Variants in PAPPA observed in about 807,000 individuals in gnomAD.
PAPPA encodes pappalysin-1.
A neutral mutation model predicts 164.0 loss-of-function variants in PAPPA; 60 were observed. The observed-to-expected ratio is 0.37, with a 90% CI of 0.30 to 0.45. PAPPA has a LOEUF of 0.45. Among genes scored for constraint, PAPPA ranks in the 20% least tolerant of loss-of-function variants. The probability of loss-of-function intolerance (pLI) is 1.00; values close to 1 mark genes in which losing one functional copy is unlikely to be tolerated. For synonymous variants in PAPPA, 875 were observed against 814.1 expected, an observed-to-expected ratio of 1.07 and a Z score of -1.27; for missense variants, 1,782 against 2,087.3, an observed-to-expected ratio of 0.85 and a Z score of 2.85.
chr9:116,207,015 T>C (rs1277356015), intron 2 of PAPPA, among the ~76,000 whole-genome samples: 1 of 152,146 alleles, frequency 6.6e-6, no homozygotes, highest in East Asian at 1.9e-4. Context: ...ACTTTGTCTT[T>C]CATACATGGG....
At chr9:116,190,412 T>A (rs897884408) in intron 2 of PAPPA, among the ~76,000 whole-genome samples, 2 of 152,234 alleles carry the variant, frequency 1.3e-5, no homozygotes, top group Admixed American at 6.5e-5. Flanking sequence ...CCCTTAGCCC[T>A]GTTTTGCTTT....
intron 9 of PAPPA, among the ~76,000 whole-genome samples, chr9:116,298,462 G>A (rs1307844513): frequency 1.3e-5 from 2 of 152,236 alleles, no homozygotes; most frequent in African/African-American, 2.4e-5. Context: ...GAATGAATCT[G>A]AAGTGAGGAA....
intron 13 of PAPPA, among the ~76,000 whole-genome samples, chr9:116,341,118 G>A (rs1245919918): frequency 1.3e-5 from 2 of 151,716 alleles, no homozygotes; most frequent in Non-Finnish European, 2.9e-5. Context: ...TTGTCTCACT[G>A]CAACCTCTGC....
intron 10 of PAPPA, among the ~76,000 whole-genome samples, chr9:116,308,247 G>T (rs528032127): frequency 6.6e-6 from 1 of 152,334 alleles, no homozygotes; most frequent in Non-Finnish European, 1.5e-5. Context: ...AGACCCAAGA[G>T]TGAGAGTGTA....
At chr9:116,361,895 G>A (rs908377491) in intron 17 of PAPPA, among the ~76,000 whole-genome samples, 2 of 152,192 alleles carry the variant, frequency 1.3e-5, no homozygotes, top group Non-Finnish European at 2.9e-5. Flanking sequence ...ATGTCTTCAA[G>A]CTGCATTTGC....
At chr9:116,221,527 C>T (rs774387951) in intron 5 of PAPPA, among the ~76,000 whole-genome samples, 1 of 152,130 alleles carries the variant, frequency 6.6e-6, no homozygotes, top group Non-Finnish European at 1.5e-5. Context: ...CAAAACAAAT[C>T]ATCTTCCTCA....
intron 2 of PAPPA, among the ~76,000 whole-genome samples, chr9:116,194,762 G>A (rs1844083795): frequency 6.6e-6 from 1 of 152,236 alleles, no homozygotes; most frequent in South Asian, 2.1e-4. Flanking sequence ...CTCCATTCTT[G>A]TGTGCACATG....
chr9:116,167,969 C>T (rs1843734900), intron 1 of PAPPA, among the ~76,000 whole-genome samples: 1 of 152,122 alleles, frequency 6.6e-6, no homozygotes, highest in Non-Finnish European at 1.5e-5. Context: ...GGTTAAGCAG[C>T]AAATTGGCAG....
chr9:116,321,805 G>A (rs1430619732), intron 10 of PAPPA, among the ~76,000 whole-genome samples: 1 of 152,210 alleles, frequency 6.6e-6, no homozygotes, highest in Admixed American at 6.5e-5. Flanking sequence ...TGATGAAAAG[G>A]AAAGAGAAGT....
intron 6 of PAPPA, 84 bp downstream of exon 6, chr9:116,227,636 T>TATGGGTCTTTGCC: frequency 7.1e-7 from 1 of 1,417,470 alleles, no homozygotes; most frequent in African/African-American, 1.4e-5. Flanking sequence ...TTATTATTTT[T>TATGGGTCTTTGCC]ATGGGTCTTT....
rs965670490 is a variant in PAPPA at position 116,401,847 on chromosome 9, TAAAAAAGAAAAA to T, written c.*5244_*5255del. The T allele has an allele frequency of 3.5e-5, 4 of 113,190 alleles. No homozygotes were observed. Among genetic ancestry groups the T allele is most frequent in the African/African-American group, 6.2e-5 (2 of 32,332 alleles). 7.0% of individuals were successfully genotyped at this position (113,190 alleles called of 1,614,324 possible). On this transcript the variant is annotated 3_prime_UTR_variant, in exon 22 of 22. Transcript: ENST00000328252. ...TCATAAGAATTCTTCTGGCCTATTG[TAAAAAAGAAAAA>T]AAAAAAGAAAAAGAAGAAAGACACA...
chr9:116,280,037 T>C (rs1021632561), intron 9 of PAPPA, among the ~76,000 whole-genome samples: 6 of 152,314 alleles, frequency 3.9e-5, no homozygotes, highest in Non-Finnish European at 7.3e-5. Context: ...GTAAGGATTG[T>C]GTGAAAACCT....
At chr9:116,253,123 G>A (rs746613667) in intron 7 of PAPPA, among the ~76,000 whole-genome samples, 29 of 151,916 alleles carry the variant, frequency 1.9e-4, no homozygotes, top group Admixed American at 1.0e-3. Context: ...TAAAGTATGG[G>A]ACACTAAGGA....
At chr9:116,348,024 ATACT>A (rs1846234055) in intron 15 of PAPPA, among the ~76,000 whole-genome samples, 1 of 152,146 alleles carries the variant, frequency 6.6e-6, no homozygotes. Context: ...GCTAATAATA[ATACT>A]TAATCAAAAT....
At chr9:116,159,753 T>C (rs762052474) in intron 1 of PAPPA, among the ~76,000 whole-genome samples, 11 of 152,150 alleles carry the variant, frequency 7.2e-5, no homozygotes, top group Non-Finnish European at 1.2e-4. Context: ...CATTTTTCCC[T>C]GCACAGAGGA....
intron 9 of PAPPA, among the ~76,000 whole-genome samples, chr9:116,298,843 G>A (rs752576802): frequency 6.0e-5 from 9 of 151,116 alleles, no homozygotes; most frequent in Non-Finnish European, 1.2e-4. Flanking sequence ...GCTACTACAC[G>A]GAAGTTATTT....
rs112877599 is a variant in PAPPA, at chr9:116,305,134, G to C, written c.3147+2184G>C. On this transcript the variant is annotated intron_variant, in intron 10 of 21. Transcript: ENST00000328252. The stretch of plus-strand genomic sequence containing the variant: ...GCATACACAAGTACGTGGGCACACA[G>C]ACACACACACACACACACACACACA... Among the ~76,000 whole-genome samples, 40 of 129,944 alleles carry C rather than the reference G, an allele frequency of 3.1e-4. No individual in the cohort carries two copies. The East Asian group carries it at 5.4e-3, about 18-fold the overall frequency. The allele number at this position is 129,944 out of a possible 152,430, so 85.2% of individuals were successfully genotyped here. A position where few individuals can be genotyped will look rare whatever the true frequency, so the allele number is the denominator to read the frequency against.
At chr9:116,268,290 G>A (rs1424364185) in intron 8 of PAPPA, among the ~76,000 whole-genome samples, 1 of 152,174 alleles carries the variant, frequency 6.6e-6, no homozygotes, top group African/African-American at 2.4e-5. Flanking sequence ...AGTTTCCAAT[G>A]CAGTAAAATT....
chr9:116,274,068 T>C (rs1214318335), intron 9 of PAPPA, among the ~76,000 whole-genome samples: 1 of 144,246 alleles, frequency 6.9e-6, no homozygotes, highest in Non-Finnish European at 1.5e-5. Flanking sequence ...CAGAGCTCAC[T>C]GTGGTAAGCT....
Sources: gnomAD v4.1 joint callset for allele counts (sites outside exome capture counted in the v4.1 genomes callset) on GRCh38, gnomAD v4.1.1 for gene constraint, MANE v1.5 for transcripts, NCBI Gene and HGNC (gene_info 2026-07-23, HGNC 2026-07-21) for gene names.